PXDNL: variants seen among roughly 807,000 people sequenced by gnomAD.
PXDNL encodes probable oxidoreductase PXDNL.
Under a neutral mutation model 150.8 loss-of-function variants are expected in PXDNL, and 145 were observed. That is an observed-to-expected ratio of 0.96 (90% CI 0.84 to 1.10). PXDNL has a LOEUF of 1.10. Ranked by LOEUF, PXDNL falls within the 50% of genes least tolerant of loss-of-function variation. The pLI, the probability that PXDNL is intolerant of heterozygous loss-of-function variation, is 0.00. For synonymous variants in PXDNL, 757 were observed against 725.7 expected (o/e 1.04, Z -0.69); for missense variants, 2,087 against 1,873.9 (o/e 1.11, Z -2.10).
At chr8:51,345,089 A>G (rs1806105529) in intron 20 of PXDNL, among the ~76,000 whole-genome samples, 1 of 152,234 alleles carries the variant, frequency 6.6e-6, no homozygotes, top group African/African-American at 2.4e-5. Context: ...TATGGACAAC[A>G]AAAATAGGAT....
intron 21 of PXDNL, among the ~76,000 whole-genome samples, chr8:51,326,114 T>G (rs1805477016): frequency 6.6e-6 from 1 of 152,202 alleles, no homozygotes; most frequent in Non-Finnish European, 1.5e-5. Flanking sequence ...CCAAGGTCCC[T>G]GATCAGTCTG....
chr8:51,387,750 A>G (rs1028765719), intron 17 of PXDNL, among the ~76,000 whole-genome samples: 1 of 152,156 alleles, frequency 6.6e-6, no homozygotes, highest in Admixed American at 6.5e-5. Context: ...TGTTGTTTTT[A>G]TTTTCACCTT....
Position 51,448,924 on chromosome 8 carries a change from A to C in PXDNL, c.1366+78T>G, listed in dbSNP as rs1160439465. ...GTCCATGATACACCTTCGATAATTAATTTAAACTATTTTTTTTTACTATCC... is the reference window on the plus strand; with the variant it reads ...GTCCATGATACACCTTCGATAATTACTTTAAACTATTTTTTTTTACTATCC... On this transcript the variant is annotated intron_variant, in intron 11 of 22. Coordinates refer to ENST00000356297, the MANE Select transcript of PXDNL (RefSeq NM_144651.5). The C allele has an allele frequency of 3.9e-6, 3 of 772,248 alleles. No individual in the cohort carries two copies. The Admixed American group carries it at 6.0e-5, about 15-fold the overall frequency. 47.8% of individuals were successfully genotyped at this position (772,248 alleles called of 1,614,324 possible).
At chr8:51,345,021 A>G (rs1238098073) in intron 20 of PXDNL, among the ~76,000 whole-genome samples, 1 of 152,196 alleles carries the variant, frequency 6.6e-6, no homozygotes, top group Non-Finnish European at 1.5e-5. Flanking sequence ...GTAATTGAAG[A>G]AATGGATGCC....
intron 1 of PXDNL, among the ~76,000 whole-genome samples, chr8:51,750,389 A>G (rs2037031928): frequency 6.6e-6 from 1 of 152,202 alleles, no homozygotes; most frequent in African/African-American, 2.4e-5. Flanking sequence ...TACCTTCTGA[A>G]GGACCTGTCT....
At position 51,712,636 on chromosome 8, in the gene PXDNL, T is replaced by C. The variant is rs1425703632; in HGVS notation, c.165-57876A>G. On this transcript the variant is annotated intron_variant, in intron 1 of 22. Transcript: ENST00000356297. ...AGTTAATGTAAACAGACAACCTTAG[T>C]TATTACAGTATAAGAAAATATAATG... 4.6e-5 allele frequency among the ~76,000 whole-genome samples: 7 copies of C among 152,318 alleles called. No individual in the cohort carries two copies. In the South Asian group the frequency reaches 1.4e-3, roughly 32 times the overall value.
At chr8:51,370,404 G>T (rs1349962965) in intron 19 of PXDNL, among the ~76,000 whole-genome samples, 1 of 152,168 alleles carries the variant, frequency 6.6e-6, no homozygotes, top group African/African-American at 2.4e-5. Flanking sequence ...AAGAAGCAAA[G>T]GAGTGTTACA....
rs187335812 is a variant in PXDNL at position 51,704,913 on chromosome 8, G to A, written c.165-50153C>T. Among the ~76,000 whole-genome samples, 759 of 151,712 alleles carry A rather than the reference G, an allele frequency of 5.0e-3. 3 individuals carry two copies. The highest frequency in any genetic ancestry group is 0.017 in the African/African-American group (713 of 41,318). On this transcript the variant is annotated intron_variant, in intron 1 of 22. Transcript: ENST00000356297. ...TAATATATATACATTTTCTTTATTG[G>A]ACCTTAGTAAACAGCACCTACACAT...
Position 51,809,312 on chromosome 8 carries a change from G to T in PXDNL, c.33C>A (p.Leu11=). Residue 11 remains leucine (L), a synonymous_variant, in exon 1 of 23, where the codon CTC becomes CTA. Transcript: ENST00000356297. ...GCAGGCACCACCCGGCCAGGAGAAA[G>T]AGAGTGGTCCAGCAGAACAGTCTGG... MEPRLFCWTT[L]FLLAGWCLPG... 6.4e-7 allele frequency: 1 copy of T among 1,571,590 alleles called. No homozygotes were observed. Among genetic ancestry groups the T allele is most frequent in the Non-Finnish European group, 8.6e-7 (1 of 1,158,382 alleles).
In PXDNL at chr8:51,627,560, CATAAA is replaced by C. The variant is rs1315518292; in HGVS notation, c.236+27124_236+27128del. ...CATGAGACGAGGTGAGGTCAGCAAA[CATAAA>C]ATAGTAGGTAGCTCCAAGGGGTCCT... On this transcript the variant is annotated intron_variant, in intron 2 of 22. Transcript: ENST00000356297. 3.3e-5 allele frequency among the ~76,000 whole-genome samples: 5 copies of C among 152,098 alleles called. No individual in the cohort carries two copies. In the East Asian group the frequency reaches 7.7e-4, roughly 24 times the overall value.
At chr8:51,621,662 G>A (rs180729099) in intron 2 of PXDNL, among the ~76,000 whole-genome samples, 56 of 152,188 alleles carry the variant, frequency 3.7e-4, no homozygotes, top group African/African-American at 1.9e-4. Context: ...TTTGCAGGCC[G>A]AGTGTGGTGG....
At chr8:51,769,817 T>C (rs1157048088) in intron 1 of PXDNL, among the ~76,000 whole-genome samples, 1 of 152,192 alleles carries the variant, frequency 6.6e-6, no homozygotes, top group Non-Finnish European at 1.5e-5. Context: ...ACGGTATCTC[T>C]GATGCATAGG....
rs759820883 is a variant in PXDNL, at chr8:51,411,324, T to G, written c.1988A>C (p.Glu663Ala). The G allele has an allele frequency of 6.3e-7, 1 of 1,586,714 alleles. No homozygotes were observed. Among genetic ancestry groups the G allele is most frequent in the South Asian group, 1.2e-5 (1 of 86,176 alleles). The stretch of plus-strand genomic sequence containing the variant: ...CAGCTGCAGCGTGTGCTCAAAAATC[T>G]CCCCTGCTCTTGCCATTTCCACAAT... Reference protein sequence around the residue: ...PLIVEMARAGEIFEHTLQLIR... With the variant: ...PLIVEMARAGAIFEHTLQLIR... The change falls in exon 16 of 23, where the codon GAG becomes GCG. Residue 663 changes from glutamate to alanine, a missense_variant. Transcript: ENST00000356297.
chr8:51,452,386 T>G lies in PXDNL; in HGVS notation c.1249+1133A>C, dbSNP rs576555210. Among the ~76,000 whole-genome samples the G allele has an allele frequency of 5.3e-5, 8 of 152,352 alleles. 1 individual carries two copies. Among genetic ancestry groups the G allele is most frequent in the African/African-American group, 1.9e-4 (8 of 41,586 alleles). On this transcript the variant is annotated intron_variant, in intron 10 of 22. Coordinates refer to ENST00000356297, the MANE Select transcript of PXDNL (RefSeq NM_144651.5). ...CTTATTAGAGCAAGGAAAGTATTTTTGGGATATTAGCAGTTCTAGGGAAAA... is the reference window on the plus strand; with the variant it reads ...CTTATTAGAGCAAGGAAAGTATTTTGGGGATATTAGCAGTTCTAGGGAAAA...
intron 1 of PXDNL, among the ~76,000 whole-genome samples, chr8:51,794,189 T>C (rs1353124528): frequency 3.3e-5 from 5 of 152,064 alleles, no homozygotes; most frequent in African/African-American, 4.8e-5. Flanking sequence ...CTATGACCGA[T>C]TGGGGTACTT....
chr8:51,409,332 G>C lies in PXDNL; in HGVS notation c.2292C>G (p.Pro764=). ...QPAYRDGIRA[P]RGLGLPVGSR... ...AGCCCACAGGAAGGCCGAGCCCGCGGGGCGCGCGGATGCCGTCCCGGTAGG... is the reference window on the plus strand; with the variant it reads ...AGCCCACAGGAAGGCCGAGCCCGCGCGGCGCGCGGATGCCGTCCCGGTAGG... Residue 764 remains proline, a synonymous_variant, in exon 17 of 23, where the codon CCC becomes CCG. Transcript: ENST00000356297. 1 of 1,458,888 alleles carries C rather than the reference G, an allele frequency of 6.9e-7. No homozygotes were observed. The highest frequency in any genetic ancestry group is 9.0e-7 in the Non-Finnish European group (1 of 1,111,714). 90.4% of individuals were successfully genotyped at this position (1,458,888 alleles called of 1,614,324 possible).
In PXDNL at chr8:51,773,770, C is replaced by T. The variant is rs2129244003; in HGVS notation, c.164+35411G>A. Among the ~76,000 whole-genome samples, 3 of 152,296 alleles carry T rather than the reference C, an allele frequency of 2.0e-5. No individual in the cohort carries two copies. In the Middle Eastern group the frequency reaches 0.01, roughly 518 times the overall value. On this transcript the variant is annotated intron_variant, in intron 1 of 22. Transcript: ENST00000356297. ...TTTCAAACTTTCACATTGAAAAGTC[C>T]TTCCTTAATTAAGCATATACAATTT...
chr8:51,628,712 T>C (rs1421972695), intron 2 of PXDNL, among the ~76,000 whole-genome samples: 1 of 151,894 alleles, frequency 6.6e-6, no homozygotes, highest in Non-Finnish European at 1.5e-5. Context: ...CTCTGTTTTC[T>C]TGTTTTTATT....
At chr8:51,571,889 T>A (rs188686801) in intron 3 of PXDNL, among the ~76,000 whole-genome samples, 201 of 151,986 alleles carry the variant, frequency 1.3e-3, no homozygotes, top group Non-Finnish European at 2.2e-3. Flanking sequence ...AGTAAGGTGT[T>A]TGGCAAACAA....
Sources: gnomAD v4.1 joint callset for allele counts (sites outside exome capture counted in the v4.1 genomes callset) on GRCh38, gnomAD v4.1.1 for gene constraint, MANE v1.5 for transcripts, NCBI Gene and HGNC (gene_info 2026-07-23, HGNC 2026-07-21) for gene names.